KCNH5: variants seen among roughly 807,000 people sequenced by gnomAD.
The protein encoded by KCNH5 is potassium voltage-gated channel subfamily H member 5.
Under a neutral mutation model 96.1 loss-of-function variants are expected in KCNH5, and 46 were observed. The observed-to-expected ratio is 0.48, with a 90% CI of 0.38 to 0.61. KCNH5 has a LOEUF of 0.61. Ranked by LOEUF, KCNH5 falls within the 20% of genes least tolerant of loss-of-function variation. The pLI is 0.00. For synonymous variants in KCNH5, 439 were observed against 449.8 expected (o/e 0.98, Z 0.30); for missense variants, 907 against 1,225.8 (o/e 0.74, Z 3.88).
At chr14:62,849,423 C>T (rs779715416) in intron 8 of KCNH5, among the ~76,000 whole-genome samples, 4 of 152,130 alleles carry the variant, frequency 2.6e-5, no homozygotes, top group Non-Finnish European at 5.9e-5. Flanking sequence ...TTTTCACGAA[C>T]TGAATTTTCT....
chr14:62,846,711 CTCTTT>C (rs1391792607), intron 8 of KCNH5, among the ~76,000 whole-genome samples: 2 of 149,686 alleles, frequency 1.3e-5, no homozygotes, highest in East Asian at 2.0e-4. Flanking sequence ...TCTATTCCCT[CTCTTT>C]TCTTTAATTA....
chr14:62,770,373 T>C (rs1289223258), intron 10 of KCNH5, among the ~76,000 whole-genome samples: 12 of 152,216 alleles, frequency 7.9e-5, no homozygotes, highest in Admixed American at 7.9e-4. Flanking sequence ...AGAAAAGCAT[T>C]ATTGAGTTCT....
At chr14:62,776,136 A>G (rs897556756) in intron 10 of KCNH5, among the ~76,000 whole-genome samples, 12 of 152,050 alleles carry the variant, frequency 7.9e-5, no homozygotes, top group African/African-American at 2.7e-4. Context: ...GCGTGGTGGC[A>G]TGCACCTGTA....
chr14:62,884,640 A>G (rs1189558740), intron 7 of KCNH5, among the ~76,000 whole-genome samples: 1 of 152,194 alleles, frequency 6.6e-6, no homozygotes, highest in African/African-American at 2.4e-5. Context: ...AAAGAAAGAA[A>G]GAAAAAAACT....
intron 8 of KCNH5, 60 bp from the exon 9 acceptor site, chr14:62,802,641 A>G (rs1886687903): frequency 2.6e-5 from 41 of 1,566,392 alleles, no homozygotes; most frequent in Non-Finnish European, 3.5e-5. Context: ...CTTCAGAAAA[A>G]CAATCATCCA....
At chr14:62,733,514 A>T (rs960438848) in intron 10 of KCNH5, among the ~76,000 whole-genome samples, 1 of 152,170 alleles carries the variant, frequency 6.6e-6, no homozygotes, top group African/African-American at 2.4e-5. Flanking sequence ...AGCAACCCCC[A>T]GTATATGGCA....
At chr14:62,989,573 T>C (rs1890772750) in intron 4 of KCNH5, among the ~76,000 whole-genome samples, 1 of 152,052 alleles carries the variant, frequency 6.6e-6, no homozygotes, top group South Asian at 2.1e-4. Context: ...ACCTGGATGC[T>C]TCTTTGATCC....
chr14:62,725,329 T>C (rs907988098), intron 10 of KCNH5, among the ~76,000 whole-genome samples: 4 of 152,216 alleles, frequency 2.6e-5, no homozygotes, highest in African/African-American at 9.6e-5. Context: ...GTGTTACTTT[T>C]GGGTGGAAGA....
chr14:62,946,418 C>T (rs1889887535), intron 7 of KCNH5, among the ~76,000 whole-genome samples: 1 of 152,072 alleles, frequency 6.6e-6, no homozygotes, highest in African/African-American at 2.4e-5. Context: ...TCCCAGTAAT[C>T]ACATTCCTGG....
rs530876717 is a variant in KCNH5, at chr14:62,757,000, G to C, written c.2019+22728C>G. On this transcript the variant is annotated intron_variant, in intron 10 of 10. Coordinates refer to ENST00000322893, the MANE Select transcript of KCNH5 (RefSeq NM_139318.5). The stretch of plus-strand genomic sequence containing the variant: ...CAAAGGAAACAATAAACAAAGTGAA[G>C]AGAAAACCCACAGAATTGGAGAAAA... Among the ~76,000 whole-genome samples the C allele has an allele frequency of 3.9e-5, 6 of 152,188 alleles. No individual in the cohort carries two copies. In the South Asian group the frequency reaches 1.2e-3, roughly 32 times the overall value.
chr14:62,882,341 T>C (rs1888510951), intron 7 of KCNH5, among the ~76,000 whole-genome samples: 1 of 152,178 alleles, frequency 6.6e-6, no homozygotes, highest in African/African-American at 2.4e-5. Flanking sequence ...CACAGATCTT[T>C]TTCAGGAAAC....
intron 6 of KCNH5, among the ~76,000 whole-genome samples, chr14:62,953,124 A>G (rs1272787447): frequency 1.3e-5 from 2 of 151,608 alleles, no homozygotes; most frequent in African/African-American, 4.8e-5. Flanking sequence ...AAGTAACAAA[A>G]TATTAGTAAA....
chr14:62,793,078 T>A lies in KCNH5; in HGVS notation c.1822+9251A>T, dbSNP rs138752450. On this transcript the variant is annotated intron_variant, in intron 9 of 10. Coordinates refer to ENST00000322893, the MANE Select transcript of KCNH5 (RefSeq NM_139318.5). ...CAAATATTTCATGATTCCACTCATA[T>A]GAAGTGTCTATAATAGTTACATTCA... Among the ~76,000 whole-genome samples, 56 of 151,932 alleles carry A rather than the reference T, an allele frequency of 3.7e-4. No individual in the cohort carries two copies. The East Asian group carries it at 0.01, about 27-fold the overall frequency.
chr14:62,995,694 C>T (rs991114577), intron 4 of KCNH5, among the ~76,000 whole-genome samples: 6 of 152,070 alleles, frequency 3.9e-5, no homozygotes, highest in South Asian at 4.1e-4. Context: ...CTAGTTCAGA[C>T]GCACTCCACT....
intron 7 of KCNH5, among the ~76,000 whole-genome samples, chr14:62,932,783 G>C (rs999275083): frequency 1.3e-5 from 2 of 151,966 alleles, no homozygotes; most frequent in East Asian, 1.9e-4. Flanking sequence ...GGCTCAAATG[G>C]AGTCCTCTGA....
chr14:62,817,580 C>T (rs150143358), intron 8 of KCNH5, among the ~76,000 whole-genome samples: 333 of 149,964 alleles, frequency 2.2e-3, no homozygotes, highest in African/African-American at 7.8e-3. Flanking sequence ...AGCTACATGT[C>T]AAATATGTAT....
At chr14:62,955,842 C>A (rs891836690) in intron 6 of KCNH5, among the ~76,000 whole-genome samples, 2 of 152,094 alleles carry the variant, frequency 1.3e-5, no homozygotes, top group Non-Finnish European at 2.9e-5. Context: ...TAGCAGGATT[C>A]CTACCTTCAT....
intron 8 of KCNH5, among the ~76,000 whole-genome samples, chr14:62,831,438 A>T (rs935019873): frequency 6.6e-6 from 1 of 152,186 alleles, no homozygotes; most frequent in Admixed American, 6.5e-5. Context: ...ATCCAGAGGT[A>T]AGCACTGGGT....
At chr14:62,771,459 T>C (rs1300100642) in intron 10 of KCNH5, among the ~76,000 whole-genome samples, 1 of 152,066 alleles carries the variant, frequency 6.6e-6, no homozygotes, top group Non-Finnish European at 1.5e-5. Flanking sequence ...ACCCCGTCTC[T>C]ATTACAAAAC....
Sources: gnomAD v4.1 joint callset for allele counts (sites outside exome capture counted in the v4.1 genomes callset) on GRCh38, gnomAD v4.1.1 for gene constraint, MANE v1.5 for transcripts, NCBI Gene and HGNC (gene_info 2026-07-23, HGNC 2026-07-21) for gene names.